Variants in ELMO1 observed in about 807,000 individuals in gnomAD.
The protein encoded by ELMO1 is engulfment and cell motility 1, also known as engulfment and cell motility protein 1.
In ELMO1, 26 loss-of-function variants were observed where a neutral mutation model predicts 98.9. That is an observed-to-expected ratio of 0.26 (90% CI 0.19 to 0.36). The LOEUF (loss-of-function observed/expected upper bound fraction) is 0.36, where lower values mean the gene tolerates loss of function less well. Among genes scored for constraint, ELMO1 ranks in the 10% least tolerant of loss-of-function variants. ELMO1 has a pLI of 1.00. For missense variants in ELMO1, 627 were observed against 935.2 expected, an observed-to-expected ratio of 0.67 and a Z score of 4.30; for synonymous variants, 346 against 346.0, an observed-to-expected ratio of 1.00 and a Z score of 0.00.
chr7:37,224,736 C>CA (rs1793773536), intron 9 of ELMO1, 143 bp downstream of exon 9: 12 of 1,199,140 alleles, frequency 1.0e-5, no homozygotes, highest in Non-Finnish European at 1.4e-5. Context: ...TCCAGTGTGA[C>CA]ACGTGGTTTG....
intron 13 of ELMO1, among the ~76,000 whole-genome samples, chr7:37,205,498 G>A (rs552342679): frequency 7.9e-5 from 12 of 152,180 alleles, no homozygotes; most frequent in Non-Finnish European, 1.3e-4. Context: ...TTTTTTCTGC[G>A]TGGCATGTCA....
intron 16 of ELMO1, among the ~76,000 whole-genome samples, chr7:36,918,912 T>A (rs1000426144): frequency 6.6e-6 from 1 of 151,956 alleles, no homozygotes; most frequent in African/African-American, 2.4e-5. Context: ...GGAAAAATAT[T>A]TTTTTTCTTT....
intron 20 of ELMO1, among the ~76,000 whole-genome samples, chr7:36,868,342 CTTCTTCT>C (rs1219626509): frequency 1.7e-4 from 18 of 105,398 alleles, no homozygotes; most frequent in African/African-American, 2.3e-4. Flanking sequence ...TCTTCTTCTT[CTTCTTCT>C]TTTTTTTTTT....
intron 4 of ELMO1, among the ~76,000 whole-genome samples, chr7:37,293,113 T>A (rs1332104002): frequency 4.3e-5 from 1 of 23,106 alleles, no homozygotes; most frequent in Non-Finnish European, 1.8e-4. Context: ...CAGCCCCCCG[T>A]CCGGCCAGCC....
chr7:37,404,780 G>A (rs1317105464), intron 1 of ELMO1, among the ~76,000 whole-genome samples: 2 of 152,202 alleles, frequency 1.3e-5, no homozygotes, highest in Non-Finnish European at 2.9e-5. Context: ...GGGCTTGGAA[G>A]GCTGGCTTAA....
At chr7:37,178,834 C>A (rs1307635106) in intron 13 of ELMO1, among the ~76,000 whole-genome samples, 1 of 152,076 alleles carries the variant, frequency 6.6e-6, no homozygotes, top group Non-Finnish European at 1.5e-5. Flanking sequence ...AAACACATGA[C>A]CAGACTTGCT....
intron 16 of ELMO1, among the ~76,000 whole-genome samples, chr7:36,928,843 T>C (rs1393594821): frequency 6.6e-6 from 1 of 151,960 alleles, no homozygotes; most frequent in Admixed American, 6.6e-5. Context: ...TTCTGAAAGG[T>C]GAGAATGTAC....
At chr7:36,868,718 T>G (rs973612167) in intron 20 of ELMO1, among the ~76,000 whole-genome samples, 7 of 152,156 alleles carry the variant, frequency 4.6e-5, no homozygotes, top group African/African-American at 1.7e-4. Flanking sequence ...AAACAGGAAG[T>G]CCCTCCACAC....
chr7:37,093,423 C>A (rs1784220964), intron 15 of ELMO1, among the ~76,000 whole-genome samples: 1 of 152,160 alleles, frequency 6.6e-6, no homozygotes, highest in African/African-American at 2.4e-5. Context: ...TTGGTCTTAG[C>A]ACTTGCTTAT....
intron 7 of ELMO1, among the ~76,000 whole-genome samples, chr7:37,238,942 G>A (rs980153132): frequency 2.6e-5 from 4 of 152,140 alleles, no homozygotes; most frequent in Non-Finnish European, 5.9e-5. Context: ...TTATTAACAT[G>A]CCTCTGTGGA....
intron 16 of ELMO1, among the ~76,000 whole-genome samples, chr7:36,998,392 T>C (rs1397331175): frequency 1.3e-5 from 2 of 152,252 alleles, no homozygotes; most frequent in Middle Eastern, 6.8e-3. Flanking sequence ...TTGAGCTCAG[T>C]TATATTTTTA....
intron 14 of ELMO1, among the ~76,000 whole-genome samples, chr7:37,099,401 T>C (rs1006357677): frequency 3.9e-5 from 6 of 152,252 alleles, no homozygotes; most frequent in African/African-American, 1.4e-4. Context: ...CTACATTCAA[T>C]TTCAACATTC....
chr7:37,009,041 A>G (rs770630992), intron 16 of ELMO1, among the ~76,000 whole-genome samples: 2 of 152,196 alleles, frequency 1.3e-5, no homozygotes, highest in Non-Finnish European at 2.9e-5. Context: ...CATATACTCT[A>G]AAGTGTATAC....
intron 16 of ELMO1, among the ~76,000 whole-genome samples, chr7:36,917,307 C>G (rs111539222): frequency 3.7e-4 from 57 of 152,124 alleles, no homozygotes; most frequent in African/African-American, 1.3e-3. Flanking sequence ...AAATCACTAA[C>G]CACAGATGAA....
At chr7:37,275,144 A>G (rs1388499765) in intron 4 of ELMO1, among the ~76,000 whole-genome samples, 1 of 152,214 alleles carries the variant, frequency 6.6e-6, no homozygotes, top group Admixed American at 6.5e-5. Context: ...CAGGCCTTGC[A>G]TTTACCCTCA....
rs766966664 is a variant in ELMO1 at position 37,315,954 on chromosome 7, G to GT, written c.84dup (p.Pro29ThrfsTer11). ...ACTTCCTTTATTATTGCAGACAGTG[G>GT]TTTTTTCTGCAAAATAACAAAAAAG... is the stretch of plus-strand genomic sequence containing the variant. On this transcript the variant is annotated frameshift_variant, in exon 3 of 22. Coordinates refer to ENST00000310758, the MANE Select transcript of ELMO1 (RefSeq NM_014800.11). LOFTEE classifies it high-confidence loss of function. The GT allele has an allele frequency of 1.3e-6, 2 of 1,590,942 alleles. No individual in the cohort carries two copies. The highest frequency in any genetic ancestry group is 1.1e-5 in the South Asian group (1 of 87,058).
intron 13 of ELMO1, among the ~76,000 whole-genome samples, chr7:37,155,486 G>GAAAAAAAAA (rs1563040535): frequency 4.1e-4 from 1 of 2,426 alleles, no homozygotes; most frequent in Non-Finnish European, 1.0e-3. Context: ...CAAACGGAAA[G>GAAAAAAAAA]CAAAAAAAAA....
intron 6 of ELMO1, among the ~76,000 whole-genome samples, chr7:37,248,464 G>C (rs1562552492): frequency 6.6e-6 from 1 of 152,186 alleles, no homozygotes. Context: ...CCTGTTTAGG[G>C]AATTTTCTGC....
In ELMO1 at chr7:37,141,474, T is replaced by C. The variant is rs540095605; in HGVS notation, c.1087-8240A>G. 4.6e-5 allele frequency among the ~76,000 whole-genome samples: 7 copies of C among 152,162 alleles called. No individual in the cohort carries two copies. The South Asian group carries it at 1.5e-3, about 32-fold the overall frequency. ...TTAGAAATCATCACTAAAGAACTTA[T>C]TCATGTAACCAAACATCACCTGTTC... is the stretch of plus-strand genomic sequence containing the variant. On this transcript the variant is annotated intron_variant, in intron 13 of 21. Coordinates refer to ENST00000310758, the MANE Select transcript of ELMO1 (RefSeq NM_014800.11).
Sources: allele counts gnomAD v4.1 joint callset (sites outside exome capture counted in the v4.1 genomes callset), GRCh38; gene constraint gnomAD v4.1.1; transcripts MANE v1.5; gene names NCBI Gene and HGNC (gene_info 2026-07-23, HGNC 2026-07-21).